SHROOM4: variants seen among roughly 807,000 people sequenced by gnomAD.
SHROOM4 encodes the protein protein Shroom4.
Under a neutral mutation model 80.3 loss-of-function variants are expected in SHROOM4, and 17 were observed. That is an observed-to-expected ratio of 0.21 (90% CI 0.14 to 0.32). SHROOM4 has a LOEUF of 0.32. Among genes scored for constraint, SHROOM4 ranks in the 10% least tolerant of loss-of-function variants. SHROOM4 has a pLI of 1.00. For missense variants in SHROOM4, 993 were observed against 1,140.3 expected, an observed-to-expected ratio of 0.87 and a Z score of 1.86; for synonymous variants, 400 against 437.5, an observed-to-expected ratio of 0.91 and a Z score of 1.07.
intron 7 of SHROOM4, 56 bp downstream of exon 7, chrX:50,602,577 C>G: frequency 8.8e-7 from 1 of 1,135,664 alleles, no homozygotes; most frequent in Non-Finnish European, 1.2e-6. Context: ...TGGTCATCCT[C>G]CAGATACATT....
In SHROOM4 at chrX:50,627,801, C is replaced by T. The variant is rs782650006; in HGVS notation, c.2896-126G>A. ...CCCCCAGCTTGTTTCTTCTACTCTG[C>T]TATGCAGGCTGAGAAATTTGTACCT... On this transcript the variant is annotated intron_variant, in intron 4 of 8. Coordinates refer to ENST00000376020, the MANE Select transcript of SHROOM4 (RefSeq NM_020717.5). The T allele has an allele frequency of 2.5e-4, 140 of 549,027 alleles. 1 individual carries two copies. The South Asian group carries it at 3.6e-3, about 14-fold the overall frequency. The allele number at this position is 549,027 out of a possible 1,213,427, so 45.2% of individuals were successfully genotyped here.
At chrX:50,800,899 C>T (rs1250490841) in intron 1 of SHROOM4, among the ~76,000 whole-genome samples, 1 of 110,300 alleles carries the variant, frequency 9.1e-6, no homozygotes, top group East Asian at 2.9e-4. Flanking sequence ...GAGGCTTCTT[C>T]CTGCCTGTCC....
At chrX:50,684,200 A>G (rs1933006931) in intron 2 of SHROOM4, among the ~76,000 whole-genome samples, 1 of 111,482 alleles carries the variant, frequency 9.0e-6, no homozygotes, top group Admixed American at 9.5e-5. Context: ...CTAAGGTAGG[A>G]CCTAAATCCA....
intron 2 of SHROOM4, among the ~76,000 whole-genome samples, chrX:50,661,790 G>A (rs1932521763): frequency 8.9e-6 from 1 of 111,787 alleles, no homozygotes; most frequent in Non-Finnish European, 1.9e-5. Context: ...ATTGTAATGC[G>A]TCTGGAGGAC....
intron 1 of SHROOM4, among the ~76,000 whole-genome samples, chrX:50,717,720 CAGCA>C (rs1557265024): frequency 1.8e-5 from 2 of 111,929 alleles, no homozygotes; most frequent in Admixed American, 9.5e-5. Context: ...CCCCAGAAGG[CAGCA>C]GTCTTCAATT....
intron 1 of SHROOM4, among the ~76,000 whole-genome samples, chrX:50,775,512 G>C (rs1466345099): frequency 9.0e-6 from 1 of 111,484 alleles, no homozygotes; most frequent in African/African-American, 3.3e-5. Context: ...AAGAATTACA[G>C]GCTGGAAAGA....
intron 1 of SHROOM4, among the ~76,000 whole-genome samples, chrX:50,716,931 A>T (rs1435825735): frequency 8.9e-6 from 1 of 112,671 alleles, no homozygotes; most frequent in Non-Finnish European, 1.9e-5. Flanking sequence ...GTGAGATAAT[A>T]CATTTCCTAA....
chrX:50,609,673 G>A (rs1602363088), intron 5 of SHROOM4, among the ~76,000 whole-genome samples: 1 of 91,445 alleles, frequency 1.1e-5, no homozygotes, highest in East Asian at 3.3e-4. Flanking sequence ...ATATGTGTGT[G>A]TGTGTGTGTG....
intron 1 of SHROOM4, among the ~76,000 whole-genome samples, chrX:50,779,837 G>A (rs782413031): frequency 3.1e-4 from 35 of 111,777 alleles, no homozygotes; most frequent in Non-Finnish European, 2.8e-4. Flanking sequence ...ATTAGGGCCA[G>A]AGCTAGGAAA....
chrX:50,722,920 T>C (rs1934152470), intron 1 of SHROOM4, among the ~76,000 whole-genome samples: 1 of 110,889 alleles, frequency 9.0e-6, no homozygotes, highest in Admixed American at 9.6e-5. Flanking sequence ...TATTGAGATA[T>C]AATTTACACA....
At chrX:50,654,927 TC>T in intron 2 of SHROOM4, among the ~76,000 whole-genome samples, 1 of 103,572 alleles carries the variant, frequency 9.7e-6, no homozygotes. Flanking sequence ...CCAGTCCTTG[TC>T]CCCCTCTGTC....
intron 2 of SHROOM4, among the ~76,000 whole-genome samples, chrX:50,667,382 T>C (rs1411716172): frequency 9.0e-6 from 1 of 111,572 alleles, no homozygotes; most frequent in Non-Finnish European, 1.9e-5. Context: ...TAAATATATT[T>C]ATTTAACTTT....
intron 1 of SHROOM4, among the ~76,000 whole-genome samples, chrX:50,789,021 T>C (rs929943270): frequency 9.0e-6 from 1 of 111,374 alleles, no homozygotes; most frequent in Non-Finnish European, 1.9e-5. Context: ...AAAGCAAACA[T>C]TGACAGAACT....
intron 6 of SHROOM4, among the ~76,000 whole-genome samples, chrX:50,606,802 G>T (rs782617566): frequency 9.1e-6 from 1 of 110,363 alleles, no homozygotes; most frequent in Non-Finnish European, 1.9e-5. Flanking sequence ...AAGAGAAAAA[G>T]AATGTCCTTA....
intron 1 of SHROOM4, among the ~76,000 whole-genome samples, chrX:50,755,782 G>A (rs1218629912): frequency 9.0e-6 from 1 of 111,424 alleles, no homozygotes; most frequent in Admixed American, 9.6e-5. Context: ...GGGAAAGTTG[G>A]AACACAGAAT....
intron 1 of SHROOM4, among the ~76,000 whole-genome samples, chrX:50,791,694 G>A (rs1935856417): frequency 9.6e-6 from 1 of 104,455 alleles, no homozygotes; most frequent in African/African-American, 3.5e-5. Flanking sequence ...AAAGTGCTGG[G>A]ACCCTAGTGG....
At chrX:50,638,415 C>T in intron 2 of SHROOM4, 107 bp from the exon 3 acceptor site, 1 of 1,006,902 alleles carries the variant, frequency 9.9e-7, no homozygotes. Context: ...AGTAGAACAT[C>T]TTGCAAGGAA....
intron 1 of SHROOM4, among the ~76,000 whole-genome samples, chrX:50,735,252 G>T (rs1602472974): frequency 8.9e-6 from 1 of 111,859 alleles, no homozygotes; most frequent in South Asian, 3.7e-4. Flanking sequence ...TTAAACAAAT[G>T]TTGCAGGGAC....
intron 1 of SHROOM4, among the ~76,000 whole-genome samples, chrX:50,730,341 T>G (rs944136117): frequency 5.4e-5 from 6 of 110,675 alleles, no homozygotes; most frequent in African/African-American, 2.0e-4. Flanking sequence ...GCAGGAGAAT[T>G]GCTTGAACCC....
Sources: gnomAD v4.1 joint callset for allele counts (sites outside exome capture counted in the v4.1 genomes callset) on GRCh38, gnomAD v4.1.1 for gene constraint, MANE v1.5 for transcripts, NCBI Gene and HGNC (gene_info 2026-07-23, HGNC 2026-07-21) for gene names.